Variants in SNX2 observed in about 807,000 individuals in gnomAD.
SNX2 encodes sorting nexin 2, also known as sorting nexin-2.
SNX2 carries 25 observed loss-of-function variants against 69.9 expected under a neutral mutation model. The observed-to-expected ratio is 0.36, with a 90% CI of 0.26 to 0.50. SNX2 has a LOEUF of 0.50. Ranked by LOEUF, SNX2 falls within the 20% of genes least tolerant of loss-of-function variation. The pLI, the probability that SNX2 is intolerant of heterozygous loss-of-function variation, is 0.97. For missense variants in SNX2, 551 were observed against 613.3 expected, an observed-to-expected ratio of 0.90 and a Z score of 1.07; for synonymous variants, 229 against 200.4, an observed-to-expected ratio of 1.14 and a Z score of -1.20.
intron 11 of SNX2, among the ~76,000 whole-genome samples, chr5:122,823,771 CAT>C (rs1581647404): frequency 7.9e-6 from 1 of 126,528 alleles, no homozygotes; most frequent in African/African-American, 3.2e-5. Flanking sequence ...AGCTTTCCAA[CAT>C]GTGGTCGTGT....
intron 1 of SNX2, among the ~76,000 whole-genome samples, chr5:122,794,688 C>T (rs560763371): frequency 6.6e-6 from 1 of 152,120 alleles, no homozygotes; most frequent in South Asian, 2.1e-4. Flanking sequence ...TTAATTATAA[C>T]TCAGTATGAC....
chr5:122,788,559 G>T (rs1011477548), intron 1 of SNX2, among the ~76,000 whole-genome samples: 1 of 152,100 alleles, frequency 6.6e-6, no homozygotes, highest in African/African-American at 2.4e-5. Context: ...CTTTTCTCAG[G>T]AGAAGTTATC....
At chr5:122,783,396 CA>C (rs1005301553) in intron 1 of SNX2, among the ~76,000 whole-genome samples, 7 of 152,204 alleles carry the variant, frequency 4.6e-5, no homozygotes, top group African/African-American at 1.7e-4. Context: ...CCCATGGTCA[CA>C]AAGATTTTGC....
rs1333392509 is a variant in SNX2, at chr5:122,806,469, C to T, written c.644-1808C>T. The stretch of plus-strand genomic sequence containing the variant: ...TTATAACTGCCACTGAAGGGAGAGT[C>T]TTCATTAGCACGTAACTCTCTACTT... On this transcript the variant is annotated intron_variant, in intron 6 of 14. Coordinates refer to ENST00000379516, the MANE Select transcript of SNX2 (RefSeq NM_003100.4). Among the ~76,000 whole-genome samples, 5 of 152,136 alleles carry T rather than the reference C, an allele frequency of 3.3e-5. 1 individual carries two copies. Among genetic ancestry groups the T allele is most frequent in the Admixed American group, 2.0e-4 (3 of 15,274 alleles).
chr5:122,789,482 C>CGG (rs1299414609), intron 1 of SNX2, among the ~76,000 whole-genome samples: 1,717 of 101,782 alleles, frequency 0.017, 19 homozygotes, highest in African/African-American at 0.064. Flanking sequence ...CGGACACACA[C>CGG]ACACACACAC....
upstream of SNX2, chr5:122,775,028 G>A: frequency 7.5e-7 from 1 of 1,340,888 alleles, no homozygotes; most frequent in African/African-American, 1.5e-5. Context: ...CTGGCGGGTC[G>A]GCGCGGGCCC....
At position 122,816,983 on chromosome 5, in the gene SNX2, C is replaced by T. The variant is rs1192734450; in HGVS notation, c.867C>T (p.Ala289=). 8.1e-6 allele frequency: 13 copies of T among 1,613,552 alleles called. No individual in the cohort carries two copies. The East Asian group carries it at 1.1e-4, about 14-fold the overall frequency. ...AGILRMVNKA[A]DAVNKMTIKM... ...TATTGAGGATGGTGAACAAGGCTGCCGACGCTGTCAACAAAATGACAATCA... is the reference window on the plus strand; with the variant it reads ...TATTGAGGATGGTGAACAAGGCTGCTGACGCTGTCAACAAAATGACAATCA... The change falls in exon 9 of 15, where the codon GCC becomes GCT. Residue 289 remains alanine, a synonymous_variant. Transcript: ENST00000379516.
intron 9 of SNX2, 67 bp downstream of exon 9, chr5:122,817,095 C>A: frequency 7.8e-7 from 1 of 1,276,640 alleles, no homozygotes. Flanking sequence ...CATTTTAAAG[C>A]TGTACAAGTG....
chr5:122,801,934 T>C lies in SNX2; in HGVS notation c.456T>C (p.Val152=). Residue 152 remains valine (V), a splice_region_variant and synonymous_variant, in exon 4 of 15, where the codon GTT becomes GTC. Coordinates refer to ENST00000379516, the MANE Select transcript of SNX2 (RefSeq NM_003100.4). ...TTGGTGTATCAGATCCAGAAAAAGT[T>C]GGTGAGTCAATACTTATTATATTTT... The part of the protein sequence containing the change: ...IEIGVSDPEK[V]GDGMNAYMAY... 1.3e-6 allele frequency: 2 copies of C among 1,599,772 alleles called. No homozygotes were observed. The highest frequency in any genetic ancestry group is 3.4e-5 in the Admixed American group (2 of 59,562).
chr5:122,790,111 C>T (rs1753195227), intron 1 of SNX2, among the ~76,000 whole-genome samples: 1 of 152,160 alleles, frequency 6.6e-6, no homozygotes, highest in East Asian at 1.9e-4. Flanking sequence ...CATCTGACAG[C>T]TGAGGAGGAT....
intron 7 of SNX2, 113 bp from the exon 8 acceptor site, chr5:122,815,783 A>ATT (rs1753885889): frequency 3.9e-6 from 2 of 518,850 alleles, no homozygotes; most frequent in South Asian, 6.9e-5. Context: ...GAGTAGTCTA[A>ATT]TACGAGGTAG....
At chr5:122,794,740 G>C (rs965212507) in intron 1 of SNX2, among the ~76,000 whole-genome samples, 1 of 152,098 alleles carries the variant, frequency 6.6e-6, no homozygotes, top group African/African-American at 2.4e-5. Flanking sequence ...AAGGTTTTCT[G>C]GCCAGGGGTG....
rs1489152901 is a variant in SNX2, at chr5:122,799,451, CA to C, written c.227-240del. On this transcript the variant is annotated intron_variant, in intron 2 of 14. Transcript: ENST00000379516. Reference sequence around the variant, plus strand: ...GCTTTTCTTTCAGCCTGATCCCTACCACTAGTATAATTAAGCTAACTTAATA... The same window carrying C: ...GCTTTTCTTTCAGCCTGATCCCTACCCTAGTATAATTAAGCTAACTTAATA... Among the ~76,000 whole-genome samples the C allele has an allele frequency of 1.8e-4, 27 of 152,174 alleles. No individual in the cohort carries two copies. The East Asian group carries it at 4.4e-3, about 25-fold the overall frequency.
At chr5:122,786,508 G>T (rs1753092463) in intron 1 of SNX2, among the ~76,000 whole-genome samples, 1 of 151,292 alleles carries the variant, frequency 6.6e-6, no homozygotes, top group Non-Finnish European at 1.5e-5. Flanking sequence ...TATTTTAGTG[G>T]TTGCTCTGCA....
chr5:122,825,237 A>G (rs544784727), intron 11 of SNX2, among the ~76,000 whole-genome samples: 64 of 152,156 alleles, frequency 4.2e-4, no homozygotes, highest in Non-Finnish European at 7.1e-4. Context: ...TAATTACTAA[A>G]ATAATTTTAA....
At chr5:122,811,815 G>T (rs1217350619) in intron 7 of SNX2, among the ~76,000 whole-genome samples, 1 of 109,870 alleles carries the variant, frequency 9.1e-6, no homozygotes, top group East Asian at 2.3e-4. Flanking sequence ...GACAGAGTGA[G>T]ACTCCGTCTC....
Position 122,834,513 on chromosome 5 carries a change from TAAA to T in SNX2, c.*4868_*4870del, listed in dbSNP as rs1754366986. On this transcript the variant is annotated 3_prime_UTR_variant, in exon 15 of 15. Coordinates refer to ENST00000379516, the MANE Select transcript of SNX2 (RefSeq NM_003100.4). ...TTTAAATTTATACATGTAACTTTAA[TAAA>T]AACTAAGTCAGACAAAATTTAACAA... The T allele has an allele frequency of 6.6e-6, 1 of 152,200 alleles. No homozygotes were observed. Among genetic ancestry groups the T allele is most frequent in the Non-Finnish European group, 1.5e-5 (1 of 68,014 alleles). 9.4% of individuals were successfully genotyped at this position (152,200 alleles called of 1,614,324 possible).
chr5:122,828,734 A>C (rs768550074), intron 14 of SNX2, among the ~76,000 whole-genome samples: 24 of 152,202 alleles, frequency 1.6e-4, no homozygotes, highest in Non-Finnish European at 2.9e-4. Flanking sequence ...TCAAAAACTA[A>C]AAGTAGCCAG....
chr5:122,801,134 A>G (rs1753498559), intron 3 of SNX2, among the ~76,000 whole-genome samples: 1 of 152,148 alleles, frequency 6.6e-6, no homozygotes, highest in Admixed American at 6.6e-5. Flanking sequence ...AGTAATGACT[A>G]CCTACCTCCT....
Sources: allele counts gnomAD v4.1 joint callset (sites outside exome capture counted in the v4.1 genomes callset), GRCh38; gene constraint gnomAD v4.1.1; transcripts MANE v1.5; gene names NCBI Gene and HGNC (gene_info 2026-07-23, HGNC 2026-07-21).